The following TRPC4 variants were observed in gnomAD, a reference collection of about 807,000 sequenced individuals.
The protein encoded by TRPC4 is short transient receptor potential channel 4.
In TRPC4, 49 loss-of-function variants were observed where a neutral mutation model predicts 99.4. That is an observed-to-expected ratio of 0.49 (90% CI 0.39 to 0.63). The LOEUF (loss-of-function observed/expected upper bound fraction) is 0.63, where lower values mean the gene tolerates loss of function less well. Among genes scored for constraint, TRPC4 ranks in the 20% least tolerant of loss-of-function variants. TRPC4 has a pLI of 0.00. For missense variants in TRPC4, 898 were observed against 1,152.9 expected (o/e 0.78, Z 3.20); for synonymous variants, 454 against 425.9 (o/e 1.07, Z -0.81).
chr13:37,653,087 A>C (rs1399548427), intron 7 of TRPC4, among the ~76,000 whole-genome samples: 3 of 152,094 alleles, frequency 2.0e-5, no homozygotes, highest in Admixed American at 2.0e-4. Context: ...ACCCCAGTCA[A>C]GGTCCCCTCT....
At chr13:37,859,065 T>A (rs1023295177) in intron 1 of TRPC4, among the ~76,000 whole-genome samples, 1 of 151,112 alleles carries the variant, frequency 6.6e-6, no homozygotes, top group African/African-American at 2.4e-5. Flanking sequence ...ACACCTACTA[T>A]GTACACAAAA....
intron 1 of TRPC4, among the ~76,000 whole-genome samples, chr13:37,785,396 A>G (rs1328981817): frequency 6.6e-6 from 1 of 152,176 alleles, no homozygotes; most frequent in Admixed American, 6.6e-5. Flanking sequence ...TTTCATAATA[A>G]TAATGACTGG....
chr13:37,860,900 G>A (rs1018617796), intron 1 of TRPC4, among the ~76,000 whole-genome samples: 2 of 151,426 alleles, frequency 1.3e-5, no homozygotes, highest in Non-Finnish European at 3.0e-5. Context: ...GCTGTCTTCG[G>A]TTTACTTATG....
chr13:37,648,811 T>C (rs1951929572), intron 8 of TRPC4, among the ~76,000 whole-genome samples: 1 of 152,172 alleles, frequency 6.6e-6, no homozygotes, highest in African/African-American at 2.4e-5. Context: ...AGTGAGAGGA[T>C]AGGAGGGAGG....
chr13:37,751,332 T>C (rs1955927350), intron 2 of TRPC4, among the ~76,000 whole-genome samples: 2 of 152,116 alleles, frequency 1.3e-5, no homozygotes, highest in South Asian at 2.1e-4. Flanking sequence ...GAAGATGCTA[T>C]TCAAAATATA....
intron 1 of TRPC4, among the ~76,000 whole-genome samples, chr13:37,789,662 C>A (rs1337249999): frequency 6.6e-6 from 1 of 151,312 alleles, no homozygotes; most frequent in Non-Finnish European, 1.5e-5. Flanking sequence ...GCTATCAAAT[C>A]ACCTGTGCAA....
At chr13:37,694,136 A>G (rs2138890993) in intron 3 of TRPC4, among the ~76,000 whole-genome samples, 1 of 152,324 alleles carries the variant, frequency 6.6e-6, no homozygotes, top group African/African-American at 2.4e-5. Flanking sequence ...TAAAGAAATC[A>G]TAGTCTACTA....
chr13:37,830,364 T>C (rs1448262566), intron 1 of TRPC4, among the ~76,000 whole-genome samples: 4 of 152,072 alleles, frequency 2.6e-5, no homozygotes, highest in Non-Finnish European at 5.9e-5. Context: ...CATGAATGAA[T>C]ATAAACATGT....
chr13:37,657,466 A>T (rs1952276622), intron 6 of TRPC4, among the ~76,000 whole-genome samples: 2 of 152,236 alleles, frequency 1.3e-5, no homozygotes. Flanking sequence ...TCTAAAATTA[A>T]TCATAGTGTC....
rs887031380 is a variant in TRPC4, at chr13:37,636,142, A to G, written c.*761T>C. Among the ~76,000 whole-genome samples the G allele has an allele frequency of 1.3e-5, 2 of 152,064 alleles. No homozygotes were observed. Among genetic ancestry groups the G allele is most frequent in the African/African-American group, 4.8e-5 (2 of 41,432 alleles). ...ATATTTTTGAAATTCAGTTATTCAT[A>G]AAGACTCATATTTATACTGATAAGC... On this transcript the variant is annotated 3_prime_UTR_variant, in exon 11 of 11. Coordinates refer to ENST00000379705, the MANE Select transcript of TRPC4 (RefSeq NM_016179.4).
intron 3 of TRPC4, among the ~76,000 whole-genome samples, chr13:37,725,117 T>A (rs1293617096): frequency 1.3e-5 from 2 of 151,692 alleles, no homozygotes; most frequent in Admixed American, 1.3e-4. Flanking sequence ...AAACAGTCGA[T>A]TCGAAAGCAG....
intron 1 of TRPC4, among the ~76,000 whole-genome samples, chr13:37,803,247 CTT>C (rs1380900205): frequency 6.6e-6 from 1 of 151,928 alleles, no homozygotes; most frequent in Non-Finnish European, 1.5e-5. Context: ...TGGAAGCAAT[CTT>C]TTTTCAAGGG....
At chr13:37,654,756 G>A (rs1260697814) in intron 7 of TRPC4, among the ~76,000 whole-genome samples, 1 of 152,074 alleles carries the variant, frequency 6.6e-6, no homozygotes, top group East Asian at 1.9e-4. Flanking sequence ...TAAATGGACC[G>A]ACAGGAGGCA....
chr13:37,668,134 C>A (rs2181749), intron 5 of TRPC4, among the ~76,000 whole-genome samples: 46,258 of 152,106 alleles, frequency 0.3, 7,688 homozygotes, highest in Non-Finnish European at 0.38. Flanking sequence ...AGGAAGAAAT[C>A]AAGAACTACT....
At chr13:37,831,245 CAAAAG>C (rs1426868283) in intron 1 of TRPC4, among the ~76,000 whole-genome samples, 1 of 152,000 alleles carries the variant, frequency 6.6e-6, no homozygotes, top group Admixed American at 6.6e-5. Flanking sequence ...AGACATTTCT[CAAAAG>C]AAGACATACA....
chr13:37,812,259 T>C (rs1473658669), intron 1 of TRPC4, among the ~76,000 whole-genome samples: 1 of 148,454 alleles, frequency 6.7e-6, no homozygotes, highest in African/African-American at 2.5e-5. Context: ...AGATTATTTA[T>C]AAAAATGCAA....
At chr13:37,746,917 C>G (rs1026749919) in intron 2 of TRPC4, among the ~76,000 whole-genome samples, 5 of 152,014 alleles carry the variant, frequency 3.3e-5, no homozygotes, top group Non-Finnish European at 5.9e-5. Context: ...TAGGTTTTGT[C>G]TTTTGTTTGT....
chr13:37,681,020 G>A (rs561441642), intron 4 of TRPC4, among the ~76,000 whole-genome samples: 32 of 152,108 alleles, frequency 2.1e-4, no homozygotes, highest in Non-Finnish European at 4.0e-4. Flanking sequence ...TCGAAATAGC[G>A]AAATTCAAAT....
chr13:37,643,115 G>A (rs1392537203), intron 8 of TRPC4, among the ~76,000 whole-genome samples: 1 of 152,072 alleles, frequency 6.6e-6, no homozygotes, highest in Non-Finnish European at 1.5e-5. Context: ...CTGAGTCCTG[G>A]GATATTTCTG....
Sources: gnomAD v4.1 joint callset for allele counts (sites outside exome capture counted in the v4.1 genomes callset) on GRCh38, gnomAD v4.1.1 for gene constraint, MANE v1.5 for transcripts, NCBI Gene and HGNC (gene_info 2026-07-23, HGNC 2026-07-21) for gene names.